The following PSMD12 variants were observed in gnomAD, a reference collection of about 807,000 sequenced individuals.
The protein encoded by PSMD12 is 26S proteasome non-ATPase regulatory subunit 12.
PSMD12 carries 8 observed loss-of-function variants against 62.9 expected under a neutral mutation model. The ratio of observed to expected loss-of-function variants is 0.13; its 90% confidence interval spans 0.07 to 0.23. PSMD12 has a LOEUF of 0.23. PSMD12 is among the 10% of genes least tolerant of loss of function. The probability of loss-of-function intolerance (pLI) is 1.00; values close to 1 mark genes in which losing one functional copy is unlikely to be tolerated. For synonymous variants in PSMD12, 173 were observed against 187.4 expected (o/e 0.92, Z 0.63); for missense variants, 424 against 550.2 (o/e 0.77, Z 2.29).
chr17:67,342,516 T>C (rs2041924379), intron 9 of PSMD12: 1 of 273,982 alleles, frequency 3.6e-6, no homozygotes, highest in Middle Eastern at 1.1e-3. Flanking sequence ...ATAGTCAAAA[T>C]ATATGCCTGT....
intron 8 of PSMD12, chr17:67,345,510 C>T (rs761539921): frequency 2.2e-5 from 9 of 411,390 alleles, no homozygotes; most frequent in East Asian, 4.5e-5. Flanking sequence ...GGCATGGTAG[C>T]GGGTGCCTGT....
At chr17:67,354,727 T>C (rs547784036) in intron 3 of PSMD12, among the ~76,000 whole-genome samples, 4 of 152,154 alleles carry the variant, frequency 2.6e-5, no homozygotes, top group Non-Finnish European at 5.9e-5. Context: ...TGGTGGCTCA[T>C]GCCTGTAATC....
rs1191078965 is a variant in PSMD12 at position 67,347,164 on chromosome 17, T to C, written c.747A>G (p.Ala249=). ...SYLSICKHYR[A]IYDTPCIQAE... ...CCTGTATACAGGGAGTATCATATAT[T>C]GCTCTGTAGTGCTTACAAATAGACA... The change falls in exon 7 of 11, where the codon GCA becomes GCG. Residue 249 remains alanine (A), a synonymous_variant. Coordinates refer to ENST00000356126, the MANE Select transcript of PSMD12 (RefSeq NM_002816.5). The C allele has an allele frequency of 6.2e-7, 1 of 1,612,964 alleles. No homozygotes were observed. The highest frequency in any genetic ancestry group is 1.3e-5 in the African/African-American group (1 of 74,922).
chr17:67,345,785 T>C lies in PSMD12; in HGVS notation c.868A>G (p.Ile290Val), dbSNP rs750188754. Reference protein sequence around the residue: ...DNEQSDLVHRISGDKKLEEIP... With the variant: ...DNEQSDLVHRVSGDKKLEEIP... The stretch of plus-strand genomic sequence containing the variant: ...TCTTCTAACTTCTTGTCACCACTTA[T>C]TCGGTGAACCAAATCTGACTGTTCA... Residue 290 changes from isoleucine to valine, a missense_variant, in exon 8 of 11, where the codon ATA (isoleucine) becomes GTA (valine). By Grantham distance (29) the Ile-to-Val change is conservative. Coordinates refer to ENST00000356126, the MANE Select transcript of PSMD12 (RefSeq NM_002816.5). 2.5e-6 allele frequency: 4 copies of C among 1,613,366 alleles called. No homozygotes were observed. Among genetic ancestry groups the C allele is most frequent in the Non-Finnish European group, 3.4e-6 (4 of 1,179,530 alleles).
intron 3 of PSMD12, among the ~76,000 whole-genome samples, chr17:67,353,373 C>T (rs1035486041): frequency 1.3e-5 from 2 of 149,894 alleles, no homozygotes; most frequent in African/African-American, 4.9e-5. Flanking sequence ...AGAGTGCGAT[C>T]TTGGCTCACT....
At position 67,339,112 on chromosome 17, in the gene PSMD12, G is replaced by GT. The variant is rs749497964; in HGVS notation, c.*1730dup. On this transcript the variant is annotated 3_prime_UTR_variant, in exon 11 of 11. Coordinates refer to ENST00000356126, the MANE Select transcript of PSMD12 (RefSeq NM_002816.5). ...TTCTGTTTCTGAACTTTCCAGTTTT[G>GT]TTTTTTTTTTTTTGAGACGGAGTCT... The GT allele has an allele frequency of 0.029, 4,065 of 141,264 alleles. 123 individuals carry two copies. Among genetic ancestry groups the GT allele is most frequent in the African/African-American group, 0.08 (3,132 of 38,946 alleles). The allele number at this position is 141,264 out of a possible 1,614,324, so 8.8% of individuals were successfully genotyped here. A position where few individuals can be genotyped will look rare whatever the true frequency, so the allele number is the denominator to read the frequency against.
chr17:67,362,283 T>A (rs1414363360), intron 1 of PSMD12, among the ~76,000 whole-genome samples: 1 of 152,228 alleles, frequency 6.6e-6, no homozygotes, highest in Non-Finnish European at 1.5e-5. Context: ...GGCAAAGAGA[T>A]AACCATCATC....
chr17:67,354,126 G>T (rs1404359723), intron 3 of PSMD12, among the ~76,000 whole-genome samples: 1 of 152,224 alleles, frequency 6.6e-6, no homozygotes, highest in African/African-American at 2.4e-5. Flanking sequence ...AACAGGGCCA[G>T]GGGCCAGGCA....
In PSMD12 at chr17:67,338,413, C is replaced by T. The variant is rs2041878920; in HGVS notation, c.*2430G>A. Reference sequence around the variant, plus strand: ...ACTAAGAAAATAAATTGGTAAATACCTCATATATTTGCTGGATTAATGTTT... The same window carrying T: ...ACTAAGAAAATAAATTGGTAAATACTTCATATATTTGCTGGATTAATGTTT... On this transcript the variant is annotated 3_prime_UTR_variant, in exon 11 of 11. Transcript: ENST00000356126. 1.3e-5 allele frequency: 2 copies of T among 152,112 alleles called. No homozygotes were observed. Among genetic ancestry groups the T allele is most frequent in the African/African-American group, 4.8e-5 (2 of 41,390 alleles). The allele number at this position is 152,112 out of a possible 1,614,324, so 9.4% of individuals were successfully genotyped here. A position where few individuals can be genotyped will look rare whatever the true frequency, so the allele number is the denominator to read the frequency against.
intron 2 of PSMD12, 28 bp from the exon 3 acceptor site, chr17:67,357,459 T>C (rs566182309): frequency 9.9e-6 from 16 of 1,612,972 alleles, no homozygotes; most frequent in Non-Finnish European, 1.2e-5. Context: ...TATTGAAAGT[T>C]AATGGAAGAA....
chr17:67,345,860 A>T lies in PSMD12; in HGVS notation c.796-3T>A. Reference sequence around the variant, plus strand: ...TAGAGTACAACACTCTTCAGAGCCTAAAAGAGTTGTACAACAAGTTATATG... The same window carrying T: ...TAGAGTACAACACTCTTCAGAGCCTTAAAGAGTTGTACAACAAGTTATATG... On this transcript the variant is annotated splice_polypyrimidine_tract_variant and splice_region_variant and intron_variant, in intron 7 of 10. Coordinates refer to ENST00000356126, the MANE Select transcript of PSMD12 (RefSeq NM_002816.5). 1 of 1,603,664 alleles carries T rather than the reference A, an allele frequency of 6.2e-7. No homozygotes were observed. The highest frequency in any genetic ancestry group is 1.1e-5 in the South Asian group (1 of 90,778).
intron 3 of PSMD12, among the ~76,000 whole-genome samples, chr17:67,354,732 G>A (rs2042051000): frequency 6.6e-6 from 1 of 152,186 alleles, no homozygotes; most frequent in Admixed American, 6.5e-5. Flanking sequence ...GCTCATGCCT[G>A]TAATCCCAGC....
chr17:67,352,142 G>C (rs931140529), intron 3 of PSMD12, among the ~76,000 whole-genome samples: 1 of 151,846 alleles, frequency 6.6e-6, no homozygotes, highest in African/African-American at 2.4e-5. Flanking sequence ...ACCCAGGCTG[G>C]AGTGCACTGG....
intron 5 of PSMD12, 51 bp from the exon 6 acceptor site, chr17:67,347,536 A>T (rs1388987800): frequency 6.6e-7 from 1 of 1,511,554 alleles, no homozygotes; most frequent in Non-Finnish European, 9.0e-7. Flanking sequence ...AATTTTGTGA[A>T]TTGCAATAAA....
intron 3 of PSMD12, among the ~76,000 whole-genome samples, chr17:67,353,411 G>A (rs924311152): frequency 4.0e-5 from 6 of 151,168 alleles, no homozygotes; most frequent in South Asian, 2.1e-4. Context: ...GGGTTCAAGC[G>A]ATTCTCCTGC....
intron 3 of PSMD12, among the ~76,000 whole-genome samples, chr17:67,354,541 T>C (rs1002375509): frequency 6.6e-6 from 1 of 152,242 alleles, no homozygotes; most frequent in Non-Finnish European, 1.5e-5. Flanking sequence ...TAAATTTTTG[T>C]TGATTTCAAC....
At chr17:67,362,686 C>CAAAAAAA (rs1228261062) in intron 1 of PSMD12, 2 of 130,952 alleles carry the variant, frequency 1.5e-5, no homozygotes, top group Non-Finnish European at 3.3e-5. Flanking sequence ...AAAAAAAACC[C>CAAAAAAA]AAAAAAAAAA....
chr17:67,352,737 A>G (rs2042029693), intron 3 of PSMD12, among the ~76,000 whole-genome samples: 1 of 152,216 alleles, frequency 6.6e-6, no homozygotes, highest in East Asian at 1.9e-4. Flanking sequence ...CACCATTCTG[A>G]GTAGTGATGA....
intron 1 of PSMD12, among the ~76,000 whole-genome samples, chr17:67,358,253 T>TGACTACTTAG (rs1272862483): frequency 6.6e-6 from 1 of 152,040 alleles, no homozygotes; most frequent in Admixed American, 6.6e-5. Context: ...CTCTAAGTGG[T>TGACTACTTAG]AGTCACATGT....
Sources: gnomAD v4.1 joint callset for allele counts (sites outside exome capture counted in the v4.1 genomes callset) on GRCh38, gnomAD v4.1.1 for gene constraint, MANE v1.5 for transcripts, NCBI Gene and HGNC (gene_info 2026-07-23, HGNC 2026-07-21) for gene names.